The following MECOM variants were observed in gnomAD, a reference collection of about 807,000 sequenced individuals.
MECOM encodes histone-lysine N-methyltransferase MECOM.
In MECOM, 13 loss-of-function variants were observed where a neutral mutation model predicts 116.3. The ratio of observed to expected loss-of-function variants is 0.11; its 90% CI spans 0.07 to 0.18. MECOM has a LOEUF of 0.18. Among genes scored for constraint, MECOM ranks in the 10% least tolerant of loss-of-function variants. MECOM has a pLI of 1.00. For missense variants in MECOM, 1,299 were observed against 1,509.0 expected, an observed-to-expected ratio of 0.86 and a Z score of 2.31; for synonymous variants, 528 against 535.2, an observed-to-expected ratio of 0.99 and a Z score of 0.19.
intron 2 of MECOM, among the ~76,000 whole-genome samples, chr3:169,215,839 C>T (rs1370550327): frequency 6.6e-6 from 1 of 152,214 alleles, no homozygotes; most frequent in Non-Finnish European, 1.5e-5. Flanking sequence ...ATATGGATCT[C>T]TCCAGAAATG....
chr3:169,130,475 C>T, intron 4 of MECOM, among the ~76,000 whole-genome samples: 1 of 150,662 alleles, frequency 6.6e-6, no homozygotes, highest in African/African-American at 2.5e-5. Flanking sequence ...GCCGCCAGCC[C>T]TCCCCCTCCC....
intron 1 of MECOM, among the ~76,000 whole-genome samples, chr3:169,423,788 G>A (rs1740174510): frequency 6.6e-6 from 1 of 152,110 alleles, no homozygotes; most frequent in Non-Finnish European, 1.5e-5. Flanking sequence ...CAAAGACAAA[G>A]ATTCAGTTCT....
chr3:169,486,008 ATATATATATG>A (rs1578238594), intron 1 of MECOM, among the ~76,000 whole-genome samples: 1 of 36,484 alleles, frequency 2.7e-5, no homozygotes, highest in Admixed American at 2.7e-4. Flanking sequence ...TATATATACT[ATATATATATG>A]TATATATAGT....
chr3:169,372,512 T>C (rs1194669816), intron 2 of MECOM, among the ~76,000 whole-genome samples: 2 of 152,058 alleles, frequency 1.3e-5, no homozygotes, highest in Non-Finnish European at 2.9e-5. Context: ...AAACGGTCAG[T>C]GCTTCCATTT....
rs908313675 is a variant in MECOM, at chr3:169,152,252, AT to A, written c.376-8421del. ...CTTTTTTTATTTTTTTTAAATTATTATTTTTTTTATCTATTGGGGTGTGCTG... is the reference window on the plus strand; with the variant it reads ...CTTTTTTTATTTTTTTTAAATTATTATTTTTTTATCTATTGGGGTGTGCTG... On this transcript the variant is annotated intron_variant, in intron 2 of 16. Transcript: ENST00000651503. Among the ~76,000 whole-genome samples the A allele has an allele frequency of 1.8e-3, 279 of 151,804 alleles. 1 individual carries two copies. The highest frequency in any genetic ancestry group is 6.5e-3 in the African/African-American group (269 of 41,382).
intron 1 of MECOM, among the ~76,000 whole-genome samples, chr3:169,466,141 G>A (rs905921559): frequency 5.3e-5 from 8 of 152,140 alleles, no homozygotes; most frequent in Admixed American, 2.6e-4. Flanking sequence ...CTGGCCATCC[G>A]TTACTATTGC....
chr3:169,547,486 G>A (rs944048248), intron 1 of MECOM, among the ~76,000 whole-genome samples: 1 of 152,152 alleles, frequency 6.6e-6, no homozygotes, highest in African/African-American at 2.4e-5. Context: ...AGAAGAACAA[G>A]TATGGGCTTT....
intron 1 of MECOM, among the ~76,000 whole-genome samples, chr3:169,492,110 T>C (rs575788298): frequency 1.3e-5 from 2 of 152,338 alleles, no homozygotes; most frequent in South Asian, 4.1e-4. Context: ...TTCAGTTTCA[T>C]GGGGTCAGTG....
intron 1 of MECOM, among the ~76,000 whole-genome samples, chr3:169,594,736 T>C (rs1427019260): frequency 6.6e-6 from 1 of 151,754 alleles, no homozygotes; most frequent in Non-Finnish European, 1.5e-5. Flanking sequence ...TAACAAAGCT[T>C]ATCCTGAGTC....
intron 2 of MECOM, among the ~76,000 whole-genome samples, chr3:169,171,618 ATAAT>A (rs1483782969): frequency 6.6e-6 from 1 of 152,162 alleles, no homozygotes; most frequent in African/African-American, 2.4e-5. Flanking sequence ...AATGAAATAA[ATAAT>A]TATTGGAATA....
At chr3:169,381,058 G>A (rs959870109) in intron 2 of MECOM, 129 bp downstream of exon 2, 20 of 833,466 alleles carry the variant, frequency 2.4e-5, no homozygotes, top group Non-Finnish European at 3.1e-5. Flanking sequence ...TGTAAAGGAA[G>A]TTTATTCTTA....
chr3:169,367,108 T>C (rs1729298651), intron 2 of MECOM, among the ~76,000 whole-genome samples: 1 of 152,026 alleles, frequency 6.6e-6, no homozygotes, highest in Non-Finnish European at 1.5e-5. Context: ...AGAAAAAGAC[T>C]ATATTGAATA....
At chr3:169,411,403 T>C (rs1035315827) in intron 1 of MECOM, among the ~76,000 whole-genome samples, 1 of 152,222 alleles carries the variant, frequency 6.6e-6, no homozygotes, top group Non-Finnish European at 1.5e-5. Flanking sequence ...TTTCATGCTA[T>C]AGAAAAATCC....
intron 2 of MECOM, among the ~76,000 whole-genome samples, chr3:169,224,861 C>G (rs1752547274): frequency 6.6e-6 from 1 of 152,132 alleles, no homozygotes; most frequent in African/African-American, 2.4e-5. Flanking sequence ...TTGAGTCGAG[C>G]ATAAACGAAG....
intron 1 of MECOM, among the ~76,000 whole-genome samples, chr3:169,460,622 T>G (rs1050215174): frequency 6.6e-6 from 1 of 152,206 alleles, no homozygotes; most frequent in African/African-American, 2.4e-5. Flanking sequence ...ATACGTTATC[T>G]GAAACACATT....
rs1316168720 is a variant in MECOM at position 169,095,224 on chromosome 3, T to C, written c.2871A>G (p.Ser957=). The C allele has an allele frequency of 6.2e-7, 1 of 1,612,044 alleles. No individual in the cohort carries two copies. The highest frequency in any genetic ancestry group is 2.2e-5 in the East Asian group (1 of 44,772). Residue 957 remains serine, a synonymous_variant, in exon 13 of 17, where the codon TCA becomes TCG. Transcript: ENST00000651503. ...QPYRCKYCDR[S]FSISSNLQRH... ...TTTGCAAGTTAGAAGATATGCTAAA[T>C]GATCTGTCACAGTATTTGCATCTGA...
chr3:169,287,829 GGA>G lies in MECOM; in HGVS notation c.375+93356_375+93357del, dbSNP rs1180333084. Reference sequence around the variant, plus strand: ...GTTCCAGAAGCAGGGCCCTTGTATAGGAGTTTAAAATGTTAATGGACATGCAT... The same window carrying G: ...GTTCCAGAAGCAGGGCCCTTGTATAGGTTTAAAATGTTAATGGACATGCAT... On this transcript the variant is annotated intron_variant, in intron 2 of 16. Transcript: ENST00000651503. 7.2e-5 allele frequency among the ~76,000 whole-genome samples: 11 copies of G among 152,268 alleles called. No homozygotes were observed. In the East Asian group the frequency reaches 2.1e-3, roughly 29 times the overall value.
chr3:169,582,266 G>A (rs898687648), intron 1 of MECOM, among the ~76,000 whole-genome samples: 6 of 151,944 alleles, frequency 3.9e-5, no homozygotes, highest in Non-Finnish European at 7.4e-5. Context: ...AATATAAGGA[G>A]GTTGTGGGGG....
chr3:169,461,455 G>A (rs1747426391), intron 1 of MECOM, among the ~76,000 whole-genome samples: 1 of 152,106 alleles, frequency 6.6e-6, no homozygotes, highest in Non-Finnish European at 1.5e-5. Flanking sequence ...AGACATCTGT[G>A]CCTCCGCTTA....
Sources: allele counts gnomAD v4.1 joint callset (sites outside exome capture counted in the v4.1 genomes callset), GRCh38; gene constraint gnomAD v4.1.1; transcripts MANE v1.5; gene names NCBI Gene and HGNC (gene_info 2026-07-23, HGNC 2026-07-21).